The following TMA16 variants were observed in gnomAD, a reference collection of about 807,000 sequenced individuals.
The protein encoded by TMA16 is translation machinery associated 16 homolog.
Under a neutral mutation model 27.1 loss-of-function variants are expected in TMA16, and 26 were observed. That is an observed-to-expected ratio of 0.96 (90% CI 0.70 to 1.33). The LOEUF (loss-of-function observed/expected upper bound fraction) is 1.33. TMA16 is among the 40% of genes most tolerant of loss of function. The pLI is 0.00. For synonymous variants in TMA16, 71 were observed against 81.9 expected (o/e 0.87, Z 0.72); for missense variants, 233 against 241.4 (o/e 0.97, Z 0.23).
At chr4:163,499,674 C>T (rs1454261427) in intron 1 of TMA16, among the ~76,000 whole-genome samples, 1 of 151,704 alleles carries the variant, frequency 6.6e-6, no homozygotes, top group Non-Finnish European at 1.5e-5. Flanking sequence ...CTTAACCATA[C>T]CTATTACAAT....
At chr4:163,511,259 A>G (rs896505964) in intron 2 of TMA16, among the ~76,000 whole-genome samples, 1 of 151,800 alleles carries the variant, frequency 6.6e-6, no homozygotes, top group African/African-American at 2.4e-5. Flanking sequence ...ATTTTAGCCA[A>G]TCTAGTAGGT....
intron 1 of TMA16, among the ~76,000 whole-genome samples, chr4:163,505,107 G>A (rs1207263589): frequency 1.3e-5 from 2 of 152,168 alleles, no homozygotes; most frequent in African/African-American, 4.8e-5. Flanking sequence ...CATTCAAAAG[G>A]AGGGGATTCC....
intron 1 of TMA16, among the ~76,000 whole-genome samples, chr4:163,495,039 GCTCC>G (rs1229105567): frequency 6.6e-6 from 1 of 152,206 alleles, no homozygotes; most frequent in East Asian, 1.9e-4. Context: ...ACGTCGCCTT[GCTCC>G]TCTTTGCCTT....
chr4:163,504,752 G>C (rs1327967626), intron 1 of TMA16, among the ~76,000 whole-genome samples: 2 of 152,150 alleles, frequency 1.3e-5, no homozygotes, highest in Non-Finnish European at 2.9e-5. Context: ...ACCTGCCTCA[G>C]CCTCCCAGAG....
At chr4:163,497,833 G>A (rs191875511) in intron 1 of TMA16, among the ~76,000 whole-genome samples, 33 of 152,314 alleles carry the variant, frequency 2.2e-4, no homozygotes, top group Non-Finnish European at 4.6e-4. Context: ...TTGGTCGGAG[G>A]AGGGCAGAGC....
intron 2 of TMA16, among the ~76,000 whole-genome samples, chr4:163,510,427 TTTATTTTGA>T (rs1319314061): frequency 6.6e-6 from 1 of 152,222 alleles, no homozygotes; most frequent in East Asian, 1.9e-4. Context: ...TAATTTGCTC[TTTATTTTGA>T]TAGGTGAGAT....
At chr4:163,505,862 A>G (rs1170973259) in intron 1 of TMA16, among the ~76,000 whole-genome samples, 1 of 152,212 alleles carries the variant, frequency 6.6e-6, no homozygotes, top group African/African-American at 2.4e-5. Context: ...ATTATGAAAG[A>G]TTCTGAGGAT....
At position 163,494,816 on chromosome 4, in the gene TMA16, C is replaced by G. The variant is rs957777005; in HGVS notation, c.3+12C>G. 6.2e-7 allele frequency: 1 copy of G among 1,611,784 alleles called. No individual in the cohort carries two copies. The highest frequency in any genetic ancestry group is 2.2e-5 in the East Asian group (1 of 44,870). ...AGGACGTCACCATGGTGGGCCCCCT[C>G]CTGCTCCCCCGAACCGCTCGGTTGG... On this transcript the variant is annotated intron_variant, in intron 1 of 6. Coordinates refer to ENST00000358572, the MANE Select transcript of TMA16 (RefSeq NM_018352.3).
intron 1 of TMA16, 136 bp from the exon 2 acceptor site, chr4:163,506,897 T>C: frequency 1.5e-6 from 1 of 661,344 alleles, no homozygotes; most frequent in Non-Finnish European, 2.5e-6. Flanking sequence ...TATCTCCTGA[T>C]TTTTCTTGTA....
At chr4:163,495,243 C>T (rs1427328875) in intron 1 of TMA16, among the ~76,000 whole-genome samples, 1 of 152,146 alleles carries the variant, frequency 6.6e-6, no homozygotes, top group Non-Finnish European at 1.5e-5. Flanking sequence ...TCGTTAGTGC[C>T]CTGAATCCTG....
At position 163,517,368 on chromosome 4, in the gene TMA16, G is replaced by T. The variant is rs1737896561; in HGVS notation, c.389-66G>T. 2.1e-6 allele frequency: 3 copies of T among 1,409,522 alleles called. No homozygotes were observed. In the African/African-American group the frequency reaches 4.3e-5, roughly 20 times the overall value. The allele number at this position is 1,409,522 out of a possible 1,614,324, so 87.3% of individuals were successfully genotyped here. Reference sequence around the variant, plus strand: ...ATATTCTTGCTAAAAATTATTATTTGTTGTACATAAAATTATGTGATTTAG... The same window carrying T: ...ATATTCTTGCTAAAAATTATTATTTTTTGTACATAAAATTATGTGATTTAG... On this transcript the variant is annotated intron_variant, in intron 5 of 6. Coordinates refer to ENST00000358572, the MANE Select transcript of TMA16 (RefSeq NM_018352.3).
intron 6 of TMA16, among the ~76,000 whole-genome samples, chr4:163,518,956 A>G (rs1288943520): frequency 6.6e-6 from 1 of 152,176 alleles, no homozygotes; most frequent in Non-Finnish European, 1.5e-5. Context: ...TAATTAATAC[A>G]ATACTGAGGT....
At position 163,519,503 on chromosome 4, in the gene TMA16, G is replaced by T. The variant is rs1737936901; in HGVS notation, c.601G>T (p.Ala201Ser). The T allele has an allele frequency of 3.8e-6, 6 of 1,588,728 alleles. No individual in the cohort carries two copies. Among genetic ancestry groups the T allele is most frequent in the Non-Finnish European group, 5.1e-6 (6 of 1,171,718 alleles). The change falls in exon 7 of 7, where the codon GCA (alanine) becomes TCA (serine). Residue 201 changes from alanine (A) to serine (S), a missense_variant. Physicochemically the swap from Ala to Ser is moderately conservative, Grantham distance 99. Transcript: ENST00000358572. ...ESSDSDEEMTAVA is the reference protein window; with the variant it reads ...ESSDSDEEMTSVA ...AAGTGATTCAGATGAGGAAATGACT[G>T]CAGTGGCCTAATTGTCTTCACTTGA...
chr4:163,512,761 T>C, intron 2 of TMA16, 61 bp from the exon 3 acceptor site: 1 of 1,304,878 alleles, frequency 7.7e-7, no homozygotes, highest in Non-Finnish European at 1.1e-6. Flanking sequence ...GTTGTTATTG[T>C]CAGAGTTTTA....
chr4:163,511,993 A>G (rs904209398), intron 2 of TMA16, among the ~76,000 whole-genome samples: 21 of 149,838 alleles, frequency 1.4e-4, no homozygotes, highest in Admixed American at 4.7e-4. Context: ...TTTTTCTTTT[A>G]CCATTCCCGT....
intron 2 of TMA16, among the ~76,000 whole-genome samples, chr4:163,511,120 G>A (rs988984704): frequency 2.0e-5 from 3 of 152,098 alleles, no homozygotes; most frequent in Admixed American, 6.6e-5. Flanking sequence ...GTATATTTAA[G>A]TATATATGAA....
At chr4:163,504,587 TC>T (rs1476700190) in intron 1 of TMA16, among the ~76,000 whole-genome samples, 1 of 152,180 alleles carries the variant, frequency 6.6e-6, no homozygotes, top group African/African-American at 2.4e-5. Context: ...AGTCTCCACC[TC>T]CGTAGTTCAA....
At chr4:163,515,744 C>T (rs1737867007) in intron 5 of TMA16, 2 of 235,622 alleles carry the variant, frequency 8.5e-6, no homozygotes, top group Admixed American at 1.1e-4. Context: ...AACTTGTCTC[C>T]AGAACTCCAA....
At chr4:163,499,634 T>C (rs1328953307) in intron 1 of TMA16, among the ~76,000 whole-genome samples, 1 of 152,136 alleles carries the variant, frequency 6.6e-6, no homozygotes, top group African/African-American at 2.4e-5. Flanking sequence ...GTGTAGCCTG[T>C]GCATATTCTC....
Sources: gnomAD v4.1 joint callset for allele counts (sites outside exome capture counted in the v4.1 genomes callset) on GRCh38, gnomAD v4.1.1 for gene constraint, MANE v1.5 for transcripts, NCBI Gene and HGNC (gene_info 2026-07-23, HGNC 2026-07-21) for gene names.